Variants in KCNIP1 observed in about 807,000 individuals in gnomAD.
KCNIP1 encodes potassium voltage-gated channel interacting protein 1, also known as A-type potassium channel modulatory protein KCNIP1.
KCNIP1 carries 18 observed loss-of-function variants against 33.0 expected under a neutral mutation model. The ratio of observed to expected loss-of-function variants is 0.55; its 90% CI spans 0.38 to 0.81. The LOEUF is 0.81. Among genes scored for constraint, KCNIP1 ranks in the 30% least tolerant of loss-of-function variants. The pLI, the probability that KCNIP1 is intolerant of heterozygous loss-of-function variation, is 0.00. For missense variants in KCNIP1, 238 were observed against 271.6 expected (o/e 0.88, Z 0.87); for synonymous variants, 93 against 98.3 (o/e 0.95, Z 0.32).
intron 1 of KCNIP1, among the ~76,000 whole-genome samples, chr5:170,601,565 C>T (rs905809): frequency 0.32 from 48,203 of 151,944 alleles, 8,729 homozygotes; most frequent in Non-Finnish European, 0.42. Context: ...CCATGCGAGA[C>T]GGAAGAAGGA....
At chr5:170,492,098 G>C (rs565012231) in intron 1 of KCNIP1, among the ~76,000 whole-genome samples, 2 of 152,288 alleles carry the variant, frequency 1.3e-5, no homozygotes, top group African/African-American at 4.8e-5. Flanking sequence ...AGTTAGCAGA[G>C]GCCCCACAGG....
In KCNIP1 at chr5:170,589,890, A is replaced by C. The variant is rs1758175316; in HGVS notation, c.61+85257A>C. ...AGGCCAGTCCTGAAGCCCAGCCCAG[A>C]GCACCAGACTCTGCAGTCAGTCAGT... is the stretch of plus-strand genomic sequence containing the variant. On this transcript the variant is annotated intron_variant, in intron 1 of 7. Coordinates refer to ENST00000328939, the MANE Select transcript of KCNIP1 (RefSeq NM_014592.4). Among the ~76,000 whole-genome samples, 3 of 152,106 alleles carry C rather than the reference A, an allele frequency of 2.0e-5. No individual in the cohort carries two copies. In the South Asian group the frequency reaches 6.2e-4, roughly 32 times the overall value.
At chr5:170,708,883 A>C (rs1280715276) in intron 1 of KCNIP1, among the ~76,000 whole-genome samples, 3 of 152,226 alleles carry the variant, frequency 2.0e-5, no homozygotes, top group African/African-American at 7.2e-5. Context: ...TGGATGACAT[A>C]GCGAGACCCT....
chr5:170,370,056 A>C (rs192695885), intron 1 of KCNIP1, among the ~76,000 whole-genome samples: 145 of 152,306 alleles, frequency 9.5e-4, no homozygotes, highest in African/African-American at 3.3e-3. Context: ...GTTTGTGGCC[A>C]AAATTGTTAA....
chr5:170,681,580 G>C (rs1762353859), intron 1 of KCNIP1: 1 of 154,728 alleles, frequency 6.5e-6, no homozygotes, highest in East Asian at 1.9e-4. Context: ...CTTTTTTAAA[G>C]AAGTTTAGGA....
chr5:170,423,149 C>T (rs1755534783), intron 1 of KCNIP1, among the ~76,000 whole-genome samples: 1 of 152,230 alleles, frequency 6.6e-6, no homozygotes, highest in Non-Finnish European at 1.5e-5. Flanking sequence ...ACCCTCACTG[C>T]TCTAGTCCTG....
intron 1 of KCNIP1, among the ~76,000 whole-genome samples, chr5:170,563,537 G>A (rs1046554066): frequency 1.3e-5 from 2 of 152,176 alleles, no homozygotes; most frequent in Admixed American, 6.5e-5. Flanking sequence ...CCTTTGTATT[G>A]CTCTCAGCTA....
intron 1 of KCNIP1, among the ~76,000 whole-genome samples, chr5:170,554,320 A>G (rs983484430): frequency 1.3e-5 from 2 of 152,162 alleles, no homozygotes; most frequent in African/African-American, 4.8e-5. Context: ...TCCGAGAGGA[A>G]GGTACATTTT....
intron 1 of KCNIP1, among the ~76,000 whole-genome samples, chr5:170,509,554 AT>A (rs1473312196): frequency 6.6e-6 from 1 of 152,250 alleles, no homozygotes; most frequent in African/African-American, 2.4e-5. Context: ...AAGTGAAAAG[AT>A]GAATGATTGA....
chr5:170,367,410 AAAGAAAGAAAGG>A (rs1763712004), intron 1 of KCNIP1, among the ~76,000 whole-genome samples: 1 of 109,186 alleles, frequency 9.2e-6, no homozygotes. Context: ...AGAAAGAAAG[AAAGAAAGAAAGG>A]AAAGAAAGAA....
At chr5:170,658,763 C>T (rs1761364710) in intron 1 of KCNIP1, among the ~76,000 whole-genome samples, 1 of 152,176 alleles carries the variant, frequency 6.6e-6, no homozygotes, top group Admixed American at 6.5e-5. Flanking sequence ...AAGAAGAAAT[C>T]AATGGAGCCA....
intron 1 of KCNIP1, among the ~76,000 whole-genome samples, chr5:170,495,886 C>A (rs1254627530): frequency 6.6e-6 from 1 of 152,172 alleles, no homozygotes; most frequent in East Asian, 1.9e-4. Context: ...TTTTCTCCCC[C>A]ATTCCTTCCT....
chr5:170,703,108 C>T lies in KCNIP1; in HGVS notation c.62-15650C>T, dbSNP rs952800075. On this transcript the variant is annotated intron_variant, in intron 1 of 7. Transcript: ENST00000328939. ...TAGCAGCACGGTACATTTAAGGACA[C>T]GGCTTGATTCTTTAATCACAGGGCA... Among the ~76,000 whole-genome samples the T allele has an allele frequency of 2.9e-5, 4 of 137,536 alleles. 1 individual carries two copies. In the South Asian group the frequency reaches 8.2e-4, roughly 28 times the overall value. 90.2% of individuals were successfully genotyped at this position (137,536 alleles called of 152,430 possible). A position where few individuals can be genotyped will look rare whatever the true frequency, so the allele number is the denominator to read the frequency against.
At chr5:170,506,468 GC>G (rs1754724544) in intron 1 of KCNIP1, among the ~76,000 whole-genome samples, 1 of 152,136 alleles carries the variant, frequency 6.6e-6, no homozygotes, top group South Asian at 2.1e-4. Context: ...GGAGCTCCGT[GC>G]ATAGGGCTGG....
chr5:170,459,889 T>C (rs1277943312), intron 1 of KCNIP1, among the ~76,000 whole-genome samples: 4 of 151,884 alleles, frequency 2.6e-5, no homozygotes, highest in Non-Finnish European at 4.4e-5. Flanking sequence ...AAAAGATAAA[T>C]GAAACAAATA....
chr5:170,580,972 G>A (rs1260895941), intron 1 of KCNIP1, among the ~76,000 whole-genome samples: 1 of 152,200 alleles, frequency 6.6e-6, no homozygotes, highest in Non-Finnish European at 1.5e-5. Flanking sequence ...TACAGATACA[G>A]ATGACCCAAA....
chr5:170,707,097 G>A (rs549440363), intron 1 of KCNIP1, among the ~76,000 whole-genome samples: 10 of 149,790 alleles, frequency 6.7e-5, no homozygotes, highest in African/African-American at 1.5e-4. Flanking sequence ...GGATTGGGAC[G>A]TCATTTGACT....
intron 1 of KCNIP1, among the ~76,000 whole-genome samples, chr5:170,606,517 A>G (rs1182271462): frequency 6.6e-6 from 1 of 152,112 alleles, no homozygotes; most frequent in African/African-American, 2.4e-5. Flanking sequence ...AGCCTTTGTG[A>G]TCAATCAGAC....
At chr5:170,582,009 T>G (rs529723411) in intron 1 of KCNIP1, among the ~76,000 whole-genome samples, 2 of 152,308 alleles carry the variant, frequency 1.3e-5, no homozygotes, top group South Asian at 4.1e-4. Flanking sequence ...CTCTTAGGAC[T>G]AATAGAGTGA....
Sources: gnomAD v4.1 joint callset for allele counts (sites outside exome capture counted in the v4.1 genomes callset) on GRCh38, gnomAD v4.1.1 for gene constraint, MANE v1.5 for transcripts, NCBI Gene and HGNC (gene_info 2026-07-23, HGNC 2026-07-21) for gene names.